EXOC2: variants seen among roughly 807,000 people sequenced by gnomAD.
The protein encoded by EXOC2 is SEC5-like 1.
In EXOC2, 70 loss-of-function variants were observed where a neutral mutation model predicts 131.8. That is an observed-to-expected ratio of 0.53 (90% CI 0.44 to 0.65). The LOEUF (loss-of-function observed/expected upper bound fraction) is 0.65, where lower values mean the gene tolerates loss of function less well. EXOC2 is among the 30% of genes least tolerant of loss of function. The pLI, the probability that EXOC2 is intolerant of heterozygous loss-of-function variation, is 0.00. For missense variants in EXOC2, 923 were observed against 1,108.6 expected (o/e 0.83, Z 2.38); for synonymous variants, 411 against 398.4 (o/e 1.03, Z -0.38).
At chr6:500,817 G>C (rs1176602580) in intron 23 of EXOC2, among the ~76,000 whole-genome samples, 1 of 151,892 alleles carries the variant, frequency 6.6e-6, no homozygotes, top group Admixed American at 6.6e-5. Flanking sequence ...TTCTCCCAGA[G>C]TCTCATCCAC....
intron 1 of EXOC2, among the ~76,000 whole-genome samples, chr6:659,907 C>T (rs560162964): frequency 1.3e-5 from 2 of 150,616 alleles, no homozygotes. Context: ...ACTCCACAGG[C>T]GGGGACAGAA....
At chr6:660,028 A>C (rs9504643) in intron 1 of EXOC2, among the ~76,000 whole-genome samples, 2,620 of 151,626 alleles carry the variant, frequency 0.017, 89 homozygotes, top group African/African-American at 0.059. Flanking sequence ...GGTGGTTGTG[A>C]GACTGGCCCT....
rs59474432 is a variant in EXOC2, at chr6:557,617, CA to C, written c.1852-1054del. On this transcript the variant is annotated intron_variant, in intron 17 of 27. Coordinates refer to ENST00000230449, the MANE Select transcript of EXOC2 (RefSeq NM_018303.6). ...TGGGTGACAGAGAGAGACTTCATCT[CA>C]AAAAAAAAAAAAAAAAAGAAAAGAA... Among the ~76,000 whole-genome samples the C allele has an allele frequency of 7.7e-4, 86 of 111,168 alleles. 1 individual carries two copies. Among genetic ancestry groups the C allele is most frequent in the African/African-American group, 2.2e-3 (59 of 26,600 alleles). The allele number at this position is 111,168 out of a possible 152,430, so 72.9% of individuals were successfully genotyped here.
At chr6:552,183 G>A (rs1757179899) in intron 21 of EXOC2, among the ~76,000 whole-genome samples, 1 of 152,208 alleles carries the variant, frequency 6.6e-6, no homozygotes, top group Non-Finnish European at 1.5e-5. Context: ...CCGCCCTGAG[G>A]CAAATGCTTT....
chr6:685,869 C>CTTTTTTTTTTTT (rs58892194), intron 1 of EXOC2, among the ~76,000 whole-genome samples: 9 of 98,240 alleles, frequency 9.2e-5, no homozygotes, highest in African/African-American at 2.0e-4. Flanking sequence ...TCCTGGACCT[C>CTTTTTTTTTTTT]TTTTTTTTTT....
At chr6:552,903 C>A (rs1042629752) in intron 21 of EXOC2, among the ~76,000 whole-genome samples, 12 of 151,796 alleles carry the variant, frequency 7.9e-5, no homozygotes, top group Non-Finnish European at 1.8e-4. Flanking sequence ...TCATGACAAA[C>A]CAGAGAGGGT....
rs138614378 is a variant in EXOC2, at chr6:624,330, T to C, written c.423-4787A>G. ...TCGATGTTTGCTCAATCCACCTGTA[T>C]AATCTCGAGAAGTTATTCCATTATG... On this transcript the variant is annotated intron_variant, in intron 4 of 27. Transcript: ENST00000230449. 2.5e-4 allele frequency among the ~76,000 whole-genome samples: 38 copies of C among 152,340 alleles called. No homozygotes were observed. The East Asian group carries it at 7.1e-3, about 29-fold the overall frequency.
intron 1 of EXOC2, among the ~76,000 whole-genome samples, chr6:640,428 C>A (rs1762302588): frequency 6.6e-6 from 1 of 152,146 alleles, no homozygotes; most frequent in African/African-American, 2.4e-5. Context: ...AAGAAAAAAA[C>A]ACAGAACAAA....
rs35999463 is a variant in EXOC2, at chr6:688,493, G to A, written c.-44+4526C>T. Among the ~76,000 whole-genome samples the A allele has an allele frequency of 2.6e-4, 39 of 152,222 alleles. No individual in the cohort carries two copies. In the South Asian group the frequency reaches 7.9e-3, roughly 31 times the overall value. ...GACAGTGACTGAAGATCACAGAAGC[G>A]CCTGATAGATGCAGTGGGGGTGAGT... On this transcript the variant is annotated intron_variant, in intron 1 of 27. Coordinates refer to ENST00000230449, the MANE Select transcript of EXOC2 (RefSeq NM_018303.6).
intron 11 of EXOC2, among the ~76,000 whole-genome samples, chr6:577,847 C>T (rs1758669270): frequency 1.3e-5 from 2 of 152,214 alleles, no homozygotes; most frequent in African/African-American, 4.8e-5. Context: ...CATTTAAACC[C>T]ACATCCTGAA....
intron 26 of EXOC2, among the ~76,000 whole-genome samples, chr6:489,425 G>A (rs1045963308): frequency 6.6e-6 from 1 of 152,212 alleles, no homozygotes; most frequent in Non-Finnish European, 1.5e-5. Context: ...CCTTCTGAAA[G>A]ATGACACAGT....
chr6:588,998 T>C (rs1150831), intron 11 of EXOC2, among the ~76,000 whole-genome samples: 13,629 of 152,232 alleles, frequency 0.09, 1,042 homozygotes, highest in African/African-American at 0.21. Flanking sequence ...TTTTCTGGAA[T>C]TTTTCCAGTT....
chr6:557,445 C>T (rs1002685532), intron 17 of EXOC2, among the ~76,000 whole-genome samples: 1 of 151,702 alleles, frequency 6.6e-6, no homozygotes, highest in African/African-American at 2.4e-5. Flanking sequence ...TGGTGAAAAC[C>T]CATCTCTACT....
rs867472673 is a variant in EXOC2 at position 501,185 on chromosome 6, A to T, written c.2381-1485T>A. Among the ~76,000 whole-genome samples the T allele has an allele frequency of 5.0e-4, 13 of 25,808 alleles. 1 individual carries two copies. Among genetic ancestry groups the T allele is most frequent in the Admixed American group, 1.6e-3 (2 of 1,286 alleles). 16.9% of individuals were successfully genotyped at this position (25,808 alleles called of 152,430 possible). A position where few individuals can be genotyped will look rare whatever the true frequency, so the allele number is the denominator to read the frequency against. On this transcript the variant is annotated intron_variant, in intron 23 of 27. Transcript: ENST00000230449. ...TATATATTATATATATCTATATATT[A>T]TATATATCTATATATATTATATATA...
At chr6:515,475 C>G (rs1367066268) in intron 23 of EXOC2, among the ~76,000 whole-genome samples, 5 of 152,214 alleles carry the variant, frequency 3.3e-5, no homozygotes, top group Admixed American at 2.0e-4. Flanking sequence ...GCAGGCTTAC[C>G]CAGGGACTGA....
At chr6:600,030 T>C (rs1760044518) in intron 7 of EXOC2, among the ~76,000 whole-genome samples, 1 of 152,206 alleles carries the variant, frequency 6.6e-6, no homozygotes, top group Non-Finnish European at 1.5e-5. Context: ...TTTGCCTGTT[T>C]GATCGCTGCT....
intron 6 of EXOC2, among the ~76,000 whole-genome samples, chr6:615,956 T>C (rs752940074): frequency 2.0e-5 from 3 of 152,052 alleles, no homozygotes; most frequent in Non-Finnish European, 2.9e-5. Flanking sequence ...TATGATAATA[T>C]CATTGTGATT....
chr6:507,019 C>A lies in EXOC2; in HGVS notation c.2381-7319G>T, dbSNP rs1764571506. Reference sequence around the variant, plus strand: ...GGGGATATAGCAGGGACTACACACACACACACAGCAGTGACCACACACACA... The same window carrying A: ...GGGGATATAGCAGGGACTACACACAAACACACAGCAGTGACCACACACACA... On this transcript the variant is annotated intron_variant, in intron 23 of 27. Coordinates refer to ENST00000230449, the MANE Select transcript of EXOC2 (RefSeq NM_018303.6). Among the ~76,000 whole-genome samples the A allele has an allele frequency of 2.0e-5, 3 of 151,718 alleles. No homozygotes were observed. The South Asian group carries it at 6.3e-4, about 32-fold the overall frequency.
At chr6:553,553 A>T (rs1757262198) in intron 21 of EXOC2, among the ~76,000 whole-genome samples, 1 of 152,078 alleles carries the variant, frequency 6.6e-6, no homozygotes, top group African/African-American at 2.4e-5. Flanking sequence ...CTGCTCCCCA[A>T]CCCACCCTGG....
Sources: allele counts gnomAD v4.1 joint callset (sites outside exome capture counted in the v4.1 genomes callset), GRCh38; gene constraint gnomAD v4.1.1; transcripts MANE v1.5; gene names NCBI Gene and HGNC (gene_info 2026-07-23, HGNC 2026-07-21).